PCDHGA4: variants seen among roughly 807,000 people sequenced by gnomAD.
PCDHGA4 encodes protocadherin gamma-A4.
PCDHGA4 carries 38 observed loss-of-function variants against 54.6 expected under a neutral mutation model. The ratio of observed to expected loss-of-function variants is 0.70; its 90% CI spans 0.54 to 0.91. The LOEUF is 0.91. Ranked by LOEUF, PCDHGA4 falls within the 40% of genes least tolerant of loss-of-function variation. The pLI, the probability that PCDHGA4 is intolerant of heterozygous loss-of-function variation, is 0.00. For missense variants in PCDHGA4, 1,298 were observed against 1,220.9 expected (o/e 1.06, Z -0.94); for synonymous variants, 511 against 512.9 (o/e 1.00, Z 0.05).
Position 141,477,143 on chromosome 5 carries a change from G to A in PCDHGA4, c.2515-17664G>A. Reference sequence around the variant, plus strand: ...ACATTGCAAAGTGTTGGTGGAGGTTGTGGATGTGAATGACAACGCCCCGGA... The same window carrying A: ...ACATTGCAAAGTGTTGGTGGAGGTTATGGATGTGAATGACAACGCCCCGGA... On this transcript the variant is annotated intron_variant, in intron 1 of 3. Transcript: ENST00000571252. This position sits in a 1 kb window ranked among gnomAD's most constrained non-coding sequence, Gnocchi z 4.9. 6.2e-7 allele frequency: 1 copy of A among 1,614,198 alleles called. No individual in the cohort carries two copies. Among genetic ancestry groups the A allele is most frequent in the Non-Finnish European group, 8.5e-7 (1 of 1,180,036 alleles).
At chr5:141,424,357 G>A (rs1171882619) in intron 1 of PCDHGA4, 1 of 152,122 alleles carries the variant, frequency 6.6e-6, no homozygotes, top group Non-Finnish European at 1.5e-5. Context: ...ATAAAATTTA[G>A]ATCACATTTT....
Position 141,399,777 on chromosome 5 carries a change from C to T in PCDHGA4, c.2514+42156C>T, listed in dbSNP as rs751610227. On this transcript the variant is annotated intron_variant, in intron 1 of 3. Transcript: ENST00000571252. ...TGAGCCTGCGCGTGTTGGTGGGCGA[C>T]CGAAACGACAACGCACCGCGGGTGC... The T allele has an allele frequency of 3.7e-6, 6 of 1,613,304 alleles. No homozygotes were observed. The Admixed American group carries it at 8.3e-5, about 22-fold the overall frequency.
chr5:141,389,853 A>G, intron 1 of PCDHGA4: 1 of 1,614,050 alleles, frequency 6.2e-7, no homozygotes, highest in South Asian at 1.1e-5. Context: ...GGCCACTGCC[A>G]CGTTGCACCT....
intron 1 of PCDHGA4, among the ~76,000 whole-genome samples, chr5:141,447,805 G>A (rs1389870133): frequency 2.0e-5 from 3 of 152,064 alleles, no homozygotes; most frequent in Admixed American, 2.0e-4. Context: ...AATAAAATTG[G>A]CTGGGCGTGG....
In PCDHGA4 at chr5:141,487,072, T is replaced by C. The variant is rs754589618; in HGVS notation, c.2515-7735T>C. On this transcript the variant is annotated intron_variant, in intron 1 of 3. Coordinates refer to ENST00000571252, the MANE Select transcript of PCDHGA4 (RefSeq NM_018917.4). This position sits in a 1 kb window ranked among gnomAD's most constrained non-coding sequence, Gnocchi z 5.0. ...CTGGGGAGGTGCGGACGGCTGTTCCTATCCCAGCTGACCTCCCACCACAGA... is the reference window on the plus strand; with the variant it reads ...CTGGGGAGGTGCGGACGGCTGTTCCCATCCCAGCTGACCTCCCACCACAGA... 8.1e-6 allele frequency: 13 copies of C among 1,614,010 alleles called. No homozygotes were observed. Among genetic ancestry groups the C allele is most frequent in the Non-Finnish European group, 1.1e-5 (13 of 1,179,966 alleles).
rs143638501 is a variant in PCDHGA4, at chr5:141,486,817, T to C, written c.2515-7990T>C. On this transcript the variant is annotated intron_variant, in intron 1 of 3. Coordinates refer to ENST00000571252, the MANE Select transcript of PCDHGA4 (RefSeq NM_018917.4). This position sits in a 1 kb window ranked among gnomAD's most constrained non-coding sequence, Gnocchi z 5.0. ...GGGGCAACCCACCCCTTAGCAGCACTGTAACAGTTCGTCTATTTGTGCTGG... is the reference window on the plus strand; with the variant it reads ...GGGGCAACCCACCCCTTAGCAGCACCGTAACAGTTCGTCTATTTGTGCTGG... 153 of 1,614,220 alleles carry C rather than the reference T, an allele frequency of 9.5e-5. 1 individual carries two copies. In the African/African-American group the frequency reaches 1.4e-3, roughly 15 times the overall value.
In PCDHGA4 at chr5:141,489,537, C is replaced by T. The variant is rs2099688580; in HGVS notation, c.2515-5270C>T. 6.2e-6 allele frequency: 10 copies of T among 1,614,118 alleles called. No homozygotes were observed. Among genetic ancestry groups the T allele is most frequent in the Non-Finnish European group, 8.5e-6 (10 of 1,180,028 alleles). ...ACCGAGAAAGCCTATGTGGAGCCAG[C>T]ACCAGCTGCCTGCTGCCAGTGCAGG... On this transcript the variant is annotated intron_variant, in intron 1 of 3. Transcript: ENST00000571252. This position sits in a 1 kb window ranked among gnomAD's most constrained non-coding sequence, Gnocchi z 4.5.
intron 1 of PCDHGA4, chr5:141,422,726 T>C: frequency 5.6e-6 from 9 of 1,605,994 alleles, no homozygotes; most frequent in African/African-American, 4.0e-5. Flanking sequence ...GTCCAGGGGG[T>C]GCCTCTGTCC....
intron 1 of PCDHGA4, chr5:141,384,572 A>G: frequency 6.2e-7 from 1 of 1,613,908 alleles, no homozygotes; most frequent in Non-Finnish European, 8.5e-7. Context: ...CAGAATGACA[A>G]CCCGCCCGAG....
chr5:141,372,977 T>C (rs1769216145), intron 1 of PCDHGA4: 2 of 661,598 alleles, frequency 3.0e-6, no homozygotes, highest in Admixed American at 3.3e-5. Context: ...CTGTAGAATA[T>C]CTGTGTTGCA....
intron 1 of PCDHGA4, chr5:141,385,646 C>A: frequency 1.4e-6 from 1 of 737,590 alleles, no homozygotes; most frequent in Non-Finnish European, 1.7e-6. Flanking sequence ...TTTCATATTG[C>A]ACAAGGTTAG....
At chr5:141,472,411 C>T (rs747412647) in intron 1 of PCDHGA4, among the ~76,000 whole-genome samples, 9 of 151,918 alleles carry the variant, frequency 5.9e-5, no homozygotes, top group Admixed American at 3.3e-4. Flanking sequence ...CGTGGTGGCA[C>T]GCACCTGTAT....
chr5:141,478,092 C>T (rs2099429960), intron 1 of PCDHGA4: 1 of 1,614,156 alleles, frequency 6.2e-7, no homozygotes, highest in Non-Finnish European at 8.5e-7. Flanking sequence ...CTCTCCACCA[C>T]TGCTACCCTC....
intron 1 of PCDHGA4, chr5:141,423,301 C>T (rs1489674947): frequency 1.9e-6 from 3 of 1,614,150 alleles, no homozygotes; most frequent in East Asian, 4.5e-5. Flanking sequence ...AGACCTCTCG[C>T]TGTACTTGGT....
intron 1 of PCDHGA4, chr5:141,366,136 C>T: frequency 6.2e-7 from 1 of 1,614,204 alleles, no homozygotes; most frequent in South Asian, 1.1e-5. Flanking sequence ...GCCAGAACGC[C>T]TGGCTGTCCT....
rs765041890 is a variant in PCDHGA4 at position 141,357,638 on chromosome 5, A to G, written c.2514+17A>G. On this transcript the variant is annotated intron_variant, in intron 1 of 3. Transcript: ENST00000571252. The stretch of plus-strand genomic sequence containing the variant: ...AATCTTCAGGTGAGTCAATCTTATA[A>G]TAGATCATACCACACTGAAATATAG... The G allele has an allele frequency of 6.2e-7, 1 of 1,612,576 alleles. No homozygotes were observed. Among genetic ancestry groups the G allele is most frequent in the Non-Finnish European group, 8.5e-7 (1 of 1,178,786 alleles).
At chr5:141,419,184 T>A in intron 1 of PCDHGA4, 1 of 1,613,938 alleles carries the variant, frequency 6.2e-7, no homozygotes, top group Non-Finnish European at 8.5e-7. Context: ...ACCCTGCACA[T>A]TACTGACGTC....
At position 141,511,871 on chromosome 5, in the gene PCDHGA4, A is replaced by T. The variant is rs1306732557; in HGVS notation, c.*698A>T. On this transcript the variant is annotated 3_prime_UTR_variant, in exon 4 of 4. Coordinates refer to ENST00000571252, the MANE Select transcript of PCDHGA4 (RefSeq NM_018917.4). ...TTGTTTTTCATTGTTTGACGTTTCCACTGCATGCCTTGACTTCCCCCACCT... is the reference window on the plus strand; with the variant it reads ...TTGTTTTTCATTGTTTGACGTTTCCTCTGCATGCCTTGACTTCCCCCACCT... 1 of 156,376 alleles carries T rather than the reference A, an allele frequency of 6.4e-6. No homozygotes were observed. The highest frequency in any genetic ancestry group is 1.9e-4 in the East Asian group (1 of 5,268). 9.7% of individuals were successfully genotyped at this position (156,376 alleles called of 1,614,324 possible).
At chr5:141,434,427 G>A (rs2097693282) in intron 1 of PCDHGA4, among the ~76,000 whole-genome samples, 1 of 152,216 alleles carries the variant, frequency 6.6e-6, no homozygotes, top group African/African-American at 2.4e-5. Context: ...GTTCATGATG[G>A]CCGTAATGCC....
Sources: gnomAD v4.1 joint callset for allele counts (sites outside exome capture counted in the v4.1 genomes callset) on GRCh38, gnomAD v4.1.1 for gene constraint, Gnocchi (gnomAD v3.1) non-coding constraint, MANE v1.5 for transcripts, NCBI Gene and HGNC (gene_info 2026-07-23, HGNC 2026-07-21) for gene names.